The following PDE3B variants were observed in gnomAD, a reference collection of about 807,000 sequenced individuals.
PDE3B encodes phosphodiesterase 3B.
A neutral mutation model predicts 116.8 loss-of-function variants in PDE3B; 66 were observed. That is an observed-to-expected ratio of 0.56 (90% CI 0.46 to 0.69). PDE3B has a LOEUF of 0.69. PDE3B is among the 30% of genes least tolerant of loss of function. The probability of loss-of-function intolerance (pLI) is 0.00; values close to 1 mark genes in which losing one functional copy is unlikely to be tolerated. For synonymous variants in PDE3B, 595 were observed against 533.6 expected, an observed-to-expected ratio of 1.12 and a Z score of -1.59; for missense variants, 1,384 against 1,368.1, an observed-to-expected ratio of 1.01 and a Z score of -0.18.
chr11:14,881,828 A>G, the PDE3B span, among the ~76,000 whole-genome samples: 2 of 151,724 alleles, frequency 1.3e-5, no homozygotes, highest in East Asian at 1.9e-4. Flanking sequence ...TGCTTCCTAT[A>G]AAGTGTGCAG....
chr11:14,709,001 T>G (rs1200894423), intron 1 of PDE3B, among the ~76,000 whole-genome samples: 3 of 152,184 alleles, frequency 2.0e-5, no homozygotes, highest in Non-Finnish European at 4.4e-5. Context: ...CTATATCTCA[T>G]TGTCAGAAAT....
At chr11:14,829,759 G>C (rs1328256951) in intron 7 of PDE3B, among the ~76,000 whole-genome samples, 3 of 151,916 alleles carry the variant, frequency 2.0e-5, no homozygotes, top group African/African-American at 7.3e-5. Flanking sequence ...CTAGTACCTG[G>C]GTGATGAAAT....
intron 1 of PDE3B, among the ~76,000 whole-genome samples, chr11:14,724,032 G>A (rs553609695): frequency 6.6e-6 from 1 of 152,292 alleles, no homozygotes; most frequent in African/African-American, 2.4e-5. Context: ...GTTAAAATAT[G>A]GACATTGTAG....
At chr11:14,836,163 C>T (rs1467438070) in intron 11 of PDE3B, among the ~76,000 whole-genome samples, 1 of 152,074 alleles carries the variant, frequency 6.6e-6, no homozygotes, top group Non-Finnish European at 1.5e-5. Flanking sequence ...CAGTCCTGTG[C>T]TTTTATTAGA....
At chr11:14,827,100 G>C (rs1187601047) in intron 7 of PDE3B, among the ~76,000 whole-genome samples, 7 of 152,074 alleles carry the variant, frequency 4.6e-5, no homozygotes, top group Admixed American at 4.6e-4. Flanking sequence ...GCAGAAAAAG[G>C]CTTTTGATAA....
intron 14 of PDE3B, among the ~76,000 whole-genome samples, chr11:14,866,688 T>C (rs1251420080): frequency 2.0e-5 from 3 of 152,226 alleles, no homozygotes; most frequent in Non-Finnish European, 2.9e-5. Context: ...CTGCAGAATT[T>C]GTACATTGTG....
At chr11:14,796,654 C>A (rs886557924) in intron 4 of PDE3B, among the ~76,000 whole-genome samples, 7 of 152,214 alleles carry the variant, frequency 4.6e-5, no homozygotes, top group African/African-American at 1.7e-4. Context: ...TTGTTGGCTG[C>A]ATAAATGTCT....
rs1848123811 is a variant in PDE3B, at chr11:14,870,404, C to A, written c.*744C>A. On this transcript the variant is annotated 3_prime_UTR_variant, in exon 16 of 16. Transcript: ENST00000282096. This position sits in a 1 kb window ranked among gnomAD's most constrained non-coding sequence, Gnocchi z 4.1. The stretch of plus-strand genomic sequence containing the variant: ...TATGTTCCATGGCTGAATTTTAAAG[C>A]TGTTTAGGTTTAACAATGAAGGGAT... 1 of 152,502 alleles carries A rather than the reference C, an allele frequency of 6.6e-6. No individual in the cohort carries two copies. The highest frequency in any genetic ancestry group is 1.5e-5 in the Non-Finnish European group (1 of 68,024). 9.4% of individuals were successfully genotyped at this position (152,502 alleles called of 1,614,324 possible).
intron 1 of PDE3B, among the ~76,000 whole-genome samples, chr11:14,651,236 A>G (rs537200477): frequency 1.3e-5 from 2 of 152,282 alleles, no homozygotes; most frequent in South Asian, 2.1e-4. Flanking sequence ...TCATCTTCGC[A>G]TGGCATTCTC....
intron 2 of PDE3B, among the ~76,000 whole-genome samples, chr11:14,785,640 A>G (rs971650767): frequency 2.0e-5 from 3 of 152,096 alleles, no homozygotes; most frequent in African/African-American, 7.2e-5. Context: ...GTTGAACATC[A>G]TATGTATGTT....
At chr11:14,807,162 C>T (rs189472085) in intron 5 of PDE3B, among the ~76,000 whole-genome samples, 8 of 152,138 alleles carry the variant, frequency 5.3e-5, no homozygotes, top group Admixed American at 2.6e-4. Flanking sequence ...ATGTATATGA[C>T]GAGTTGATGC....
At chr11:14,884,648 T>C in the PDE3B span, among the ~76,000 whole-genome samples, 12 of 151,770 alleles carry the variant, frequency 7.9e-5, no homozygotes, top group Non-Finnish European at 1.5e-4. Flanking sequence ...AACCTGCAAA[T>C]TGTGCACCTG....
At chr11:14,888,809 T>C in the PDE3B span, among the ~76,000 whole-genome samples, 5 of 152,202 alleles carry the variant, frequency 3.3e-5, no homozygotes, top group African/African-American at 1.2e-4. Context: ...AATAAATTAA[T>C]ACGCTGTCAA....
At chr11:14,811,983 A>G (rs1049713853) in intron 5 of PDE3B, among the ~76,000 whole-genome samples, 1 of 152,048 alleles carries the variant, frequency 6.6e-6, no homozygotes, top group East Asian at 1.9e-4. Flanking sequence ...ATTTTTGTAC[A>G]TTGATTTTGT....
At chr11:14,667,285 G>C (rs1338796150) in intron 1 of PDE3B, among the ~76,000 whole-genome samples, 4 of 150,942 alleles carry the variant, frequency 2.7e-5, no homozygotes, top group African/African-American at 9.8e-5. Flanking sequence ...GGACTGTTGT[G>C]GGGTGGGGGG....
intron 2 of PDE3B, among the ~76,000 whole-genome samples, chr11:14,780,016 A>C (rs1226840974): frequency 2.6e-5 from 4 of 152,096 alleles, no homozygotes; most frequent in Non-Finnish European, 5.9e-5. Context: ...AGGGGTTGCA[A>C]TCCTAGTCTC....
At chr11:14,756,286 A>G (rs1392886603) in intron 1 of PDE3B, among the ~76,000 whole-genome samples, 1 of 152,210 alleles carries the variant, frequency 6.6e-6, no homozygotes, top group Non-Finnish European at 1.5e-5. Flanking sequence ...CCCAGCAAGA[A>G]TAATACACTC....
At chr11:14,749,920 T>TATATATATATA (rs1554989222) in intron 1 of PDE3B, among the ~76,000 whole-genome samples, 1 of 41,524 alleles carries the variant, frequency 2.4e-5, no homozygotes, top group African/African-American at 9.5e-5. Context: ...ATATGTATCT[T>TATATATATATA]TGTGGAAGCT....
intron 1 of PDE3B, among the ~76,000 whole-genome samples, chr11:14,725,400 C>A (rs1179429835): frequency 6.9e-6 from 1 of 144,268 alleles, no homozygotes; most frequent in African/African-American, 2.6e-5. Flanking sequence ...TCCTTGCTTC[C>A]TTCTTTCTCT....
Sources: allele counts gnomAD v4.1 joint callset (sites outside exome capture counted in the v4.1 genomes callset), GRCh38; gene constraint gnomAD v4.1.1; non-coding constraint Gnocchi (gnomAD v3.1); transcripts MANE v1.5; gene names NCBI Gene and HGNC (gene_info 2026-07-23, HGNC 2026-07-21).